APTX: variants seen among roughly 807,000 people sequenced by gnomAD.
APTX encodes forkhead-associated domain histidine triad-like protein.
In APTX, 33 loss-of-function variants were observed where a neutral mutation model predicts 42.3. The ratio of observed to expected loss-of-function variants is 0.78; its 90% CI spans 0.59 to 1.04. The LOEUF (loss-of-function observed/expected upper bound fraction) is 1.04, where lower values mean the gene tolerates loss of function less well. APTX is among the 50% of genes least tolerant of loss of function. The pLI is 0.00. For missense variants in APTX, 421 were observed against 415.1 expected (o/e 1.01, Z -0.12); for synonymous variants, 130 against 146.7 (o/e 0.89, Z 0.82).
intron 1 of APTX, among the ~76,000 whole-genome samples, chr9:32,990,392 C>T (rs1587497005): frequency 6.6e-6 from 1 of 152,044 alleles, no homozygotes; most frequent in Non-Finnish European, 1.5e-5. Context: ...AGGCTGGTCT[C>T]AAACTTCTGA....
At chr9:33,004,833 G>T (rs1386219724), upstream of APTX, among the ~76,000 whole-genome samples, 1 of 150,906 alleles carries the variant, frequency 6.6e-6, no homozygotes, top group Non-Finnish European at 1.5e-5. Context: ...GAAGAGATGG[G>T]GTTTCACCAT....
intron 6 of APTX, among the ~76,000 whole-genome samples, chr9:32,981,171 G>A (rs1432351490): frequency 1.3e-5 from 2 of 152,174 alleles, no homozygotes; most frequent in African/African-American, 4.8e-5. Context: ...GTTAGTAAAT[G>A]TCCTTCTCAC....
At chr9:32,984,945 C>T (rs1028843564) in intron 5 of APTX, 88 bp from the exon 6 acceptor site, 1 of 1,241,656 alleles carries the variant, frequency 8.1e-7, no homozygotes, top group African/African-American at 1.5e-5. Context: ...TCACTTAATT[C>T]CCACAGTCTT....
intron 6 of APTX, among the ~76,000 whole-genome samples, chr9:32,983,638 G>GT (rs1019639035): frequency 4.9e-4 from 74 of 152,062 alleles, no homozygotes; most frequent in African/African-American, 1.7e-3. Context: ...AGTGTTGGTA[G>GT]TTAAAAAAAA....
intron 6 of APTX, among the ~76,000 whole-genome samples, chr9:32,977,423 G>A (rs1273814798): frequency 5.3e-5 from 8 of 152,144 alleles, no homozygotes; most frequent in South Asian, 2.1e-4. Flanking sequence ...GTTCAAGGCC[G>A]CAGTGAGCTA....
At chr9:33,023,004 A>G (rs1838513810) in intron 1 of APTX, among the ~76,000 whole-genome samples, 2 of 151,820 alleles carry the variant, frequency 1.3e-5, no homozygotes, top group African/African-American at 4.8e-5. Context: ...ACTAACTCTA[A>G]TTTTTGTAGA....
intron 1 of APTX, among the ~76,000 whole-genome samples, chr9:33,000,202 G>T (rs1228143065): frequency 6.6e-6 from 1 of 152,174 alleles, no homozygotes; most frequent in East Asian, 1.9e-4. Flanking sequence ...CCATGGGGTT[G>T]TCACAAGAGC....
intron 1 of APTX, among the ~76,000 whole-genome samples, chr9:32,992,130 A>G (rs1833789466): frequency 6.6e-6 from 1 of 152,002 alleles, no homozygotes; most frequent in South Asian, 2.1e-4. Flanking sequence ...TAGACTCCAG[A>G]CTCTTATCAG....
intron 1 of APTX, among the ~76,000 whole-genome samples, chr9:33,011,589 T>C (rs1837548216): frequency 1.3e-5 from 2 of 152,018 alleles, no homozygotes; most frequent in Non-Finnish European, 2.9e-5. Flanking sequence ...CCGCCCGAAG[T>C]GCCATATTTT....
intron 1 of APTX, among the ~76,000 whole-genome samples, chr9:33,024,333 T>C (rs142779567): frequency 1.1e-4 from 17 of 152,318 alleles, no homozygotes; most frequent in African/African-American, 3.8e-4. Context: ...TTCTTGGTGC[T>C]AGATACTGAC....
At chr9:33,001,273 G>C in intron 1 of APTX, 2 of 1,437,806 alleles carry the variant, frequency 1.4e-6, no homozygotes, top group Non-Finnish European at 1.8e-6. Flanking sequence ...CCGCCTCCTT[G>C]GTTGGACAGG....
chr9:33,016,894 C>T (rs1022791186), intron 1 of APTX, among the ~76,000 whole-genome samples: 10 of 152,140 alleles, frequency 6.6e-5, no homozygotes, highest in African/African-American at 1.9e-4. Context: ...ATGCCCAGTA[C>T]CTGGCACAAA....
At chr9:32,986,528 G>A (rs540373795) in intron 4 of APTX, among the ~76,000 whole-genome samples, 21 of 150,972 alleles carry the variant, frequency 1.4e-4, no homozygotes, top group African/African-American at 4.9e-4. Context: ...TTGAGATGGG[G>A]TTTCGCTCTT....
At chr9:32,978,094 G>A (rs529122642) in intron 6 of APTX, among the ~76,000 whole-genome samples, 1 of 152,296 alleles carries the variant, frequency 6.6e-6, no homozygotes, top group Non-Finnish European at 1.5e-5. Context: ...CCTTCCAAAT[G>A]AAGATGCAAA....
In APTX at chr9:32,984,640, G is replaced by A. The variant is rs368000346; in HGVS notation, c.761C>T (p.Pro254Leu). The change falls in exon 6 of 8, where the codon CCG becomes CTG. Residue 254 changes from proline to leucine, a missense_variant. Transcript: ENST00000379817. ...TACCCACCTGGCTTACCTCATACTCGGAATGGCGTGGTAGCCCAATCGGAA... is the reference window on the plus strand; with the variant it reads ...TACCCACCTGGCTTACCTCATACTCAGAATGGCGTGGTAGCCCAATCGGAA... ...LRFRLGYHAIPSMSHVHLHVI... is the reference protein window; with the variant it reads ...LRFRLGYHAILSMSHVHLHVI... 1.2e-5 allele frequency: 20 copies of A among 1,613,974 alleles called. No homozygotes were observed. The highest frequency in any genetic ancestry group is 3.3e-5 in the Admixed American group (2 of 59,982).
chr9:32,994,040 A>G (rs1313036006), intron 1 of APTX, among the ~76,000 whole-genome samples: 3 of 152,124 alleles, frequency 2.0e-5, no homozygotes, highest in Non-Finnish European at 4.4e-5. Context: ...CTTTCATTCT[A>G]GAGTTGAGGG....
At position 32,987,544 on chromosome 9, in the gene APTX, C is replaced by G. The variant is rs771662803; in HGVS notation, c.483G>C (p.Lys161Asn). ...LKKGKDAPIK[K>N]ESLGHWSQGL... ...CATCTACCAATCACACTACCCTCACCTTTTTGATAGGTGCATCTTTTCCCT... is the reference window on the plus strand; with the variant it reads ...CATCTACCAATCACACTACCCTCACGTTTTTGATAGGTGCATCTTTTCCCT... Residue 161 changes from lysine (K) to asparagine (N), a missense_variant and splice_region_variant, in exon 4 of 8, where the codon AAG becomes AAC. Lys to Asn is a moderately conservative substitution (Grantham distance 94). Transcript: ENST00000379817. 1 of 1,613,690 alleles carries G rather than the reference C, an allele frequency of 6.2e-7. No individual in the cohort carries two copies. The highest frequency in any genetic ancestry group is 8.5e-7 in the Non-Finnish European group (1 of 1,180,044).
Position 33,009,589 on chromosome 9 carries a change from G to C in APTX, c.-5+15434C>G, listed in dbSNP as rs552585151. On this transcript the variant is annotated intron_variant, in intron 1 of 6. Transcript: ENST00000436040. ...AGACCAGAAGTTTGAGACCAGGCTG[G>C]GCAACAAAGTGAGACCCTCTCTCTA... Among the ~76,000 whole-genome samples the C allele has an allele frequency of 1.4e-4, 22 of 152,090 alleles. 1 individual carries two copies. The South Asian group carries it at 4.6e-3, about 32-fold the overall frequency.
chr9:33,023,689 T>A (rs753025272), intron 1 of APTX, among the ~76,000 whole-genome samples: 9 of 152,220 alleles, frequency 5.9e-5, no homozygotes, highest in Non-Finnish European at 1.3e-4. Flanking sequence ...TGCAAAAGCA[T>A]ACAAAGGTGA....
Sources: gnomAD v4.1 joint callset for allele counts (sites outside exome capture counted in the v4.1 genomes callset) on GRCh38, gnomAD v4.1.1 for gene constraint, MANE v1.5 for transcripts, NCBI Gene and HGNC (gene_info 2026-07-23, HGNC 2026-07-21) for gene names.